Variants in FRMD5 observed in about 807,000 individuals in gnomAD.
The protein encoded by FRMD5 is FERM domain-containing protein 5.
Under a neutral mutation model 69.0 loss-of-function variants are expected in FRMD5, and 20 were observed. That is an observed-to-expected ratio of 0.29 (90% CI 0.20 to 0.42). The LOEUF (loss-of-function observed/expected upper bound fraction) is 0.42, where lower values mean the gene tolerates loss of function less well. Among genes scored for constraint, FRMD5 ranks in the 10% least tolerant of loss-of-function variants. The pLI is 1.00. For synonymous variants in FRMD5, 271 were observed against 260.1 expected, an observed-to-expected ratio of 1.04 and a Z score of -0.40; for missense variants, 595 against 708.6, an observed-to-expected ratio of 0.84 and a Z score of 1.82.
chr15:44,048,421 T>C (rs1164519107), intron 1 of FRMD5, among the ~76,000 whole-genome samples: 2 of 152,224 alleles, frequency 1.3e-5, no homozygotes, highest in African/African-American at 4.8e-5. Flanking sequence ...CTTTTCATTA[T>C]TGAGTTGTAA....
At chr15:44,139,659 G>A (rs1489358235) in intron 1 of FRMD5, among the ~76,000 whole-genome samples, 1 of 141,410 alleles carries the variant, frequency 7.1e-6, no homozygotes, top group Non-Finnish European at 1.5e-5. Flanking sequence ...GGGAGGCTGA[G>A]GGGGCAAGAT....
chr15:43,895,671 C>A (rs602370), intron 7 of FRMD5, among the ~76,000 whole-genome samples: 1 of 152,092 alleles, frequency 6.6e-6, no homozygotes, highest in Non-Finnish European at 1.5e-5. Flanking sequence ...TCAAATGCAA[C>A]AGATGCAGAT....
chr15:44,150,625 C>CTTT (rs201159673), intron 1 of FRMD5, among the ~76,000 whole-genome samples: 1 of 133,438 alleles, frequency 7.5e-6, no homozygotes. Context: ...CTACAAAATT[C>CTTT]TTTTTTTTTT....
intron 1 of FRMD5, among the ~76,000 whole-genome samples, chr15:43,981,187 T>C (rs1374838269): frequency 6.6e-6 from 1 of 152,148 alleles, no homozygotes; most frequent in African/African-American, 2.4e-5. Context: ...CTCAACCTCC[T>C]GGCCTCAAGT....
chr15:44,005,096 T>C (rs1890377300), intron 1 of FRMD5, among the ~76,000 whole-genome samples: 1 of 152,206 alleles, frequency 6.6e-6, no homozygotes, highest in Non-Finnish European at 1.5e-5. Context: ...ATAAGAAAGC[T>C]GCACAAGACA....
At chr15:43,985,364 G>A (rs1323697369) in intron 1 of FRMD5, among the ~76,000 whole-genome samples, 2 of 151,594 alleles carry the variant, frequency 1.3e-5, no homozygotes, top group African/African-American at 4.8e-5. Flanking sequence ...GGGAAGCCAT[G>A]GGCAAGTCAT....
rs2089136740 is a variant in FRMD5 at position 43,905,003 on chromosome 15, G to A, written c.551+825C>T. Among the ~76,000 whole-genome samples the A allele has an allele frequency of 2.0e-5, 3 of 152,128 alleles. No homozygotes were observed. The South Asian group carries it at 6.2e-4, about 32-fold the overall frequency. On this transcript the variant is annotated intron_variant, in intron 6 of 13. Coordinates refer to ENST00000417257, the MANE Select transcript of FRMD5 (RefSeq NM_032892.5). ...GCTGAGGACATACTTCTGAACCAGAGTGCTCCCAAGGCACCCTCAGCATTT... is the reference window on the plus strand; with the variant it reads ...GCTGAGGACATACTTCTGAACCAGAATGCTCCCAAGGCACCCTCAGCATTT...
At chr15:43,989,849 G>A in intron 1 of FRMD5, 2 of 1,019,990 alleles carry the variant, frequency 2.0e-6, no homozygotes, top group Middle Eastern at 2.4e-4. Flanking sequence ...TTGGCCTTGG[G>A]GCTCAGGGGG....
intron 1 of FRMD5, among the ~76,000 whole-genome samples, chr15:44,014,798 T>C (rs1370859396): frequency 6.6e-6 from 1 of 152,152 alleles, no homozygotes; most frequent in African/African-American, 2.4e-5. Context: ...GAGGATTAAA[T>C]AATTTAACAG....
intron 1 of FRMD5, among the ~76,000 whole-genome samples, chr15:44,096,912 T>C (rs902083121): frequency 2.0e-5 from 3 of 152,152 alleles, no homozygotes; most frequent in African/African-American, 7.2e-5. Flanking sequence ...GCAGGGATGA[T>C]GGTGAGTGAC....
At chr15:43,933,038 G>A (rs376713840) in intron 1 of FRMD5, among the ~76,000 whole-genome samples, 234 of 152,314 alleles carry the variant, frequency 1.5e-3, no homozygotes, top group Non-Finnish European at 2.5e-3. Flanking sequence ...CAAAAGCCAC[G>A]TTTATGCCTC....
intron 8 of FRMD5, among the ~76,000 whole-genome samples, chr15:43,889,220 G>A (rs2088738631): frequency 1.3e-5 from 2 of 152,188 alleles, no homozygotes; most frequent in African/African-American, 4.8e-5. Context: ...GCATTATCTG[G>A]ATGGGACTGT....
intron 1 of FRMD5, among the ~76,000 whole-genome samples, chr15:43,974,751 T>A (rs1160228552): frequency 2.6e-5 from 4 of 152,246 alleles, no homozygotes; most frequent in Non-Finnish European, 5.9e-5. Context: ...TGTAGCTCTC[T>A]GACTTAGACA....
chr15:43,916,299 A>T (rs1234397669), intron 4 of FRMD5, among the ~76,000 whole-genome samples: 1 of 152,228 alleles, frequency 6.6e-6, no homozygotes, highest in Non-Finnish European at 1.5e-5. Flanking sequence ...AGGAAACAGA[A>T]GTTAGCTGCT....
intron 1 of FRMD5, among the ~76,000 whole-genome samples, chr15:44,191,736 C>T (rs903527298): frequency 2.0e-5 from 3 of 151,480 alleles, no homozygotes; most frequent in Admixed American, 2.0e-4. Context: ...TAGCAAGATC[C>T]CGTTTCTTAA....
intron 1 of FRMD5, among the ~76,000 whole-genome samples, chr15:44,107,462 C>T (rs1310730273): frequency 6.6e-6 from 1 of 152,192 alleles, no homozygotes; most frequent in Admixed American, 6.5e-5. Flanking sequence ...CCACACAACT[C>T]CCATCTTTTT....
intron 1 of FRMD5, chr15:44,063,951 C>A: frequency 3.9e-6 from 1 of 255,978 alleles, no homozygotes; most frequent in South Asian, 4.7e-5. Context: ...TCAAGATTGT[C>A]AGTAATGCCT....
intron 1 of FRMD5, among the ~76,000 whole-genome samples, chr15:44,154,044 G>A (rs139275298): frequency 2.0e-5 from 3 of 152,090 alleles, no homozygotes; most frequent in Non-Finnish European, 2.9e-5. Flanking sequence ...AAATGTTGAC[G>A]GGTGCAATGG....
Position 44,195,031 on chromosome 15 carries a change from G to C in FRMD5, c.24C>G (p.Gly8=), listed in dbSNP as rs753621988. The stretch of plus-strand genomic sequence containing the variant: ...ACTCGCGCTCCAGGCTCCTGCTGCT[G>C]CCGCTCATCAACCTGCTCAGCATCT... The part of the protein sequence containing the change: MLSRLMS[G]SSRSLEREYS... Residue 8 remains glycine (G), a synonymous_variant, in exon 1 of 14, where the codon GGC becomes GGG. Transcript: ENST00000417257. The C allele has an allele frequency of 6.4e-7, 1 of 1,553,188 alleles. No homozygotes were observed. Among genetic ancestry groups the C allele is most frequent in the Non-Finnish European group, 8.7e-7 (1 of 1,154,544 alleles).
Sources: allele counts gnomAD v4.1 joint callset (sites outside exome capture counted in the v4.1 genomes callset), GRCh38; gene constraint gnomAD v4.1.1; transcripts MANE v1.5; gene names NCBI Gene and HGNC (gene_info 2026-07-23, HGNC 2026-07-21).